The following TFEB variants were observed in gnomAD, a reference collection of about 807,000 sequenced individuals.
TFEB encodes transcription factor EB.
In TFEB, 12 loss-of-function variants were observed where a neutral mutation model predicts 48.0. The observed-to-expected ratio is 0.25, with a 90% CI of 0.16 to 0.40. The LOEUF (loss-of-function observed/expected upper bound fraction) is 0.40, where lower values mean the gene tolerates loss of function less well. TFEB is among the 10% of genes least tolerant of loss of function. The pLI is 1.00. For synonymous variants in TFEB, 244 were observed against 261.4 expected, an observed-to-expected ratio of 0.93 and a Z score of 0.64; for missense variants, 509 against 640.3, an observed-to-expected ratio of 0.79 and a Z score of 2.21.
chr6:41,688,211 G>A, intron 4 of TFEB, 183 bp from the exon 5 acceptor site: 1 of 653,984 alleles, frequency 1.5e-6, no homozygotes, highest in Non-Finnish European at 2.5e-6. Context: ...ATTATAAGAT[G>A]TAGTCCCTGC....
intron 1 of TFEB, among the ~76,000 whole-genome samples, chr6:41,713,446 C>A (rs1770572572): frequency 6.6e-6 from 1 of 152,170 alleles, no homozygotes; most frequent in Non-Finnish European, 1.5e-5. Context: ...CGTCTGGCCG[C>A]AGGATTCAGA....
chr6:41,700,420 C>G (rs1381645599), intron 1 of TFEB, among the ~76,000 whole-genome samples: 1 of 148,680 alleles, frequency 6.7e-6, no homozygotes, highest in Non-Finnish European at 1.5e-5. Flanking sequence ...GAGCCGAGAT[C>G]TCGCCACTGC....
At chr6:41,716,750 T>A (rs1581922363) in intron 1 of TFEB, among the ~76,000 whole-genome samples, 1 of 151,642 alleles carries the variant, frequency 6.6e-6, no homozygotes, top group East Asian at 1.9e-4. Flanking sequence ...CTATAATGAG[T>A]CTGTGCTAAG....
chr6:41,698,435 G>A (rs1345809977), intron 1 of TFEB, among the ~76,000 whole-genome samples: 1 of 152,128 alleles, frequency 6.6e-6, no homozygotes, highest in East Asian at 1.9e-4. Flanking sequence ...TGTCCGGGAT[G>A]ATGGAACAGT....
At position 41,731,507 on chromosome 6, in the gene TFEB, T is replaced by A. The variant is rs906340017; in HGVS notation, c.-23+3843A>T. ...ACCCCTTGCTTTCTCTTCCTTTTTCTTCCTCCCCGGTGCCTTTGGCAAAGA... is the reference window on the plus strand; with the variant it reads ...ACCCCTTGCTTTCTCTTCCTTTTTCATCCTCCCCGGTGCCTTTGGCAAAGA... On this transcript the variant is annotated intron_variant, in intron 1 of 8. Coordinates refer to ENST00000373033, the MANE Select transcript of TFEB (RefSeq NM_001271944.2). Among the ~76,000 whole-genome samples, 7 of 151,888 alleles carry A rather than the reference T, an allele frequency of 4.6e-5. No homozygotes were observed. The South Asian group carries it at 1.5e-3, about 32-fold the overall frequency.
chr6:41,735,213 G>A, intron 1 of TFEB, 137 bp downstream of exon 1: 1 of 901,212 alleles, frequency 1.1e-6, no homozygotes, highest in Non-Finnish European at 1.3e-6. Context: ...GTGGCGGCGC[G>A]CACGGTCCTG....
chr6:41,697,806 A>C (rs555462258), intron 1 of TFEB, among the ~76,000 whole-genome samples: 1 of 152,206 alleles, frequency 6.6e-6, no homozygotes, highest in African/African-American at 2.4e-5. Context: ...TATACTTACA[A>C]TAAATAACAT....
intron 1 of TFEB, among the ~76,000 whole-genome samples, chr6:41,715,007 A>T (rs575189814): frequency 1.0e-3 from 152 of 152,224 alleles, no homozygotes; most frequent in African/African-American, 3.5e-3. Context: ...TTGATATGTA[A>T]AACATGAGGA....
chr6:41,703,230 C>T (rs1245889054), intron 1 of TFEB, among the ~76,000 whole-genome samples: 3 of 152,230 alleles, frequency 2.0e-5, no homozygotes, highest in African/African-American at 4.8e-5. Context: ...GCAGGCACAA[C>T]GACCACAGCT....
At chr6:41,733,431 A>T (rs1771533180) in intron 1 of TFEB, 1 of 202,988 alleles carries the variant, frequency 4.9e-6, no homozygotes, top group Admixed American at 6.5e-5. Flanking sequence ...CCCAGAGCTG[A>T]GTTGAGGACA....
chr6:41,733,594 C>T (rs1264055185), intron 1 of TFEB: 4 of 985,032 alleles, frequency 4.1e-6, no homozygotes, highest in Non-Finnish European at 4.8e-6. Context: ...AGGAGGCAGA[C>T]GGAGAGAAGG....
chr6:41,685,236 T>G (rs1768938170), intron 8 of TFEB, among the ~76,000 whole-genome samples, 158 bp from the exon 9 acceptor site: 1 of 152,236 alleles, frequency 6.6e-6, no homozygotes, highest in African/African-American at 2.4e-5. Flanking sequence ...CTCTAGAGTC[T>G]AGACCAGTGT....
At chr6:41,690,595 G>A in intron 3 of TFEB, 68 bp downstream of exon 3, 1 of 1,443,106 alleles carries the variant, frequency 6.9e-7, no homozygotes, top group Non-Finnish European at 9.1e-7. Context: ...TAGACTGGGA[G>A]TCTCAGAAGC....
rs1212474338 is a variant in TFEB, at chr6:41,730,892, C to T, written c.-23+4458G>A. 6.6e-6 allele frequency among the ~76,000 whole-genome samples: 1 copy of T among 152,144 alleles called. No homozygotes were observed. The highest frequency in any genetic ancestry group is 2.4e-5 in the African/African-American group (1 of 41,426). On this transcript the variant is annotated intron_variant, in intron 1 of 8. Transcript: ENST00000373033. This position sits in a 1 kb window ranked among gnomAD's most constrained non-coding sequence, Gnocchi z 4.1. ...TAGAGATGCCTCAGGCATTGCCAAG[C>T]CCCCTGCACCGTCTTATTCAACAAG...
At chr6:41,695,270 G>GAGCTGGCC (rs1769518689) in intron 1 of TFEB, among the ~76,000 whole-genome samples, 1 of 152,200 alleles carries the variant, frequency 6.6e-6, no homozygotes, top group African/African-American at 2.4e-5. Flanking sequence ...GGTCAGGCCA[G>GAGCTGGCC]AGCTGGTTTC....
At chr6:41,732,873 C>G in intron 1 of TFEB, 1 of 985,766 alleles carries the variant, frequency 1.0e-6, no homozygotes, top group Non-Finnish European at 1.2e-6. Context: ...AGCCCCAAGC[C>G]AGGCCCCAAG....
chr6:41,702,514 G>A (rs2127457354), intron 1 of TFEB, among the ~76,000 whole-genome samples: 1 of 152,230 alleles, frequency 6.6e-6, no homozygotes, highest in South Asian at 2.1e-4. Flanking sequence ...GGGGTTTAGA[G>A]ACTGAAACTC....
chr6:41,724,634 G>A lies in TFEB; in HGVS notation c.-23+10716C>T, dbSNP rs11963828. Among the ~76,000 whole-genome samples the A allele has an allele frequency of 0.043, 6,612 of 152,238 alleles. 471 individuals are homozygous for A. The highest frequency in any genetic ancestry group is 0.15 in the African/African-American group (6,163 of 41,520). ...CTCTGGCTCCCGCCCCTTGCCGCCC[G>A]AGACCTGCAATGGGGCCTCAGATAA... On this transcript the variant is annotated intron_variant, in intron 1 of 8. Coordinates refer to ENST00000373033, the MANE Select transcript of TFEB (RefSeq NM_001271944.2). The surrounding 1 kb of genome is among the most constrained non-coding windows in gnomAD (Gnocchi z 4.4).
At chr6:41,695,642 G>C (rs1769537178) in intron 1 of TFEB, among the ~76,000 whole-genome samples, 1 of 152,126 alleles carries the variant, frequency 6.6e-6, no homozygotes, top group African/African-American at 2.4e-5. Flanking sequence ...CTACTATTCT[G>C]GGCTCTCCCA....
Sources: gnomAD v4.1 joint callset for allele counts (sites outside exome capture counted in the v4.1 genomes callset) on GRCh38, gnomAD v4.1.1 for gene constraint, Gnocchi (gnomAD v3.1) non-coding constraint, MANE v1.5 for transcripts, NCBI Gene and HGNC (gene_info 2026-07-23, HGNC 2026-07-21) for gene names.